Variants in TLN2 observed in about 807,000 individuals in gnomAD.
The protein encoded by TLN2 is talin-2.
In TLN2, 118 loss-of-function variants were observed where a neutral mutation model predicts 294.7. The observed-to-expected ratio is 0.40, with a 90% confidence interval of 0.34 to 0.47. The LOEUF (loss-of-function observed/expected upper bound fraction) is 0.47. TLN2 is among the 20% of genes least tolerant of loss of function. The pLI is 0.84. For missense variants in TLN2, 3,083 were observed against 3,282.2 expected (o/e 0.94, Z 1.48); for synonymous variants, 1,431 against 1,304.5 (o/e 1.10, Z -2.09).
chr15:62,461,641 A>C (rs2036811738), intron 1 of TLN2, among the ~76,000 whole-genome samples: 1 of 152,230 alleles, frequency 6.6e-6, no homozygotes, highest in Non-Finnish European at 1.5e-5. Context: ...TGAGAGCAGA[A>C]ATAAGACAAG....
At chr15:62,664,765 C>T (rs144010465) in intron 9 of TLN2, among the ~76,000 whole-genome samples, 2,374 of 141,174 alleles carry the variant, frequency 0.017, 22 homozygotes, top group Middle Eastern at 0.032. Flanking sequence ...GGCTGAGGCA[C>T]GAGAATCACT....
At chr15:62,595,281 G>A (rs1027486716) in intron 2 of TLN2, among the ~76,000 whole-genome samples, 22 of 152,014 alleles carry the variant, frequency 1.4e-4, no homozygotes, top group African/African-American at 4.8e-4. Context: ...TTAACCAGAC[G>A]TGGTGGTGGG....
intron 1 of TLN2, among the ~76,000 whole-genome samples, chr15:62,467,898 A>G (rs1399866606): frequency 1.3e-5 from 2 of 152,112 alleles, no homozygotes; most frequent in Admixed American, 1.3e-4. Flanking sequence ...CAGATCTCCA[A>G]AGTTCCTTCT....
At chr15:62,554,980 A>C (rs1056715263) in intron 1 of TLN2, among the ~76,000 whole-genome samples, 2 of 117,356 alleles carry the variant, frequency 1.7e-5, no homozygotes, top group Non-Finnish European at 3.4e-5. Flanking sequence ...AAGTTTATAA[A>C]TTCTATTTAG....
chr15:62,585,003 T>G (rs1419523150), intron 1 of TLN2, among the ~76,000 whole-genome samples: 1 of 152,206 alleles, frequency 6.6e-6, no homozygotes, highest in Admixed American at 6.5e-5. Context: ...ATTCTGATTT[T>G]TACACACATG....
intron 1 of TLN2, among the ~76,000 whole-genome samples, chr15:62,464,847 A>G (rs2037023594): frequency 6.6e-6 from 1 of 152,128 alleles, no homozygotes; most frequent in Non-Finnish European, 1.5e-5. Flanking sequence ...CATTTTTGCC[A>G]TTCCTTCTGA....
At chr15:62,429,381 G>A (rs1457719009) in intron 1 of TLN2, among the ~76,000 whole-genome samples, 1 of 152,088 alleles carries the variant, frequency 6.6e-6, no homozygotes, top group Non-Finnish European at 1.5e-5. Flanking sequence ...AAGACTTATC[G>A]TTTATGAAAA....
intron 2 of TLN2, among the ~76,000 whole-genome samples, chr15:62,600,993 A>G (rs189250231): frequency 2.0e-5 from 3 of 152,322 alleles, no homozygotes; most frequent in Non-Finnish European, 4.4e-5. Context: ...TCAGGATCCA[A>G]ATGAGACTTA....
chr15:62,738,366 G>C, intron 30 of TLN2, 33 bp downstream of exon 30: 1 of 1,612,204 alleles, frequency 6.2e-7, no homozygotes, highest in Non-Finnish European at 8.5e-7. Context: ...AAGGACACTG[G>C]GGGACTAGGC....
At chr15:62,490,306 A>T (rs534420349) in intron 1 of TLN2, among the ~76,000 whole-genome samples, 4 of 152,294 alleles carry the variant, frequency 2.6e-5, no homozygotes, top group East Asian at 1.9e-4. Flanking sequence ...TGAATTTTTT[A>T]AAAATTATTT....
At chr15:62,419,461 A>G (rs972991769) in intron 1 of TLN2, among the ~76,000 whole-genome samples, 1 of 152,174 alleles carries the variant, frequency 6.6e-6, no homozygotes, top group Admixed American at 6.5e-5. Context: ...TGATCTGCCT[A>G]CATTATGTAT....
chr15:62,582,081 T>C (rs991235292), intron 1 of TLN2, among the ~76,000 whole-genome samples: 2 of 148,908 alleles, frequency 1.3e-5, no homozygotes, highest in Non-Finnish European at 3.0e-5. Context: ...ATGTGAATGG[T>C]GGACTAATCA....
intron 12 of TLN2, among the ~76,000 whole-genome samples, chr15:62,691,142 A>C (rs1288400152): frequency 6.6e-6 from 1 of 152,014 alleles, no homozygotes; most frequent in East Asian, 1.9e-4. Context: ...TTAAGTCTTC[A>C]CTAATTTGGG....
chr15:62,747,720 G>C (rs2061693117), intron 32 of TLN2, among the ~76,000 whole-genome samples: 1 of 152,318 alleles, frequency 6.6e-6, no homozygotes, highest in South Asian at 2.1e-4. Flanking sequence ...TTCATGTATA[G>C]CTTTTGCTTC....
intron 1 of TLN2, among the ~76,000 whole-genome samples, chr15:62,403,683 T>A (rs2033188842): frequency 6.6e-6 from 1 of 152,154 alleles, no homozygotes; most frequent in Admixed American, 6.5e-5. Flanking sequence ...CATGTCACAA[T>A]CTGGTTCTCC....
chr15:62,531,762 G>T (rs575116580), intron 1 of TLN2, among the ~76,000 whole-genome samples: 1 of 152,174 alleles, frequency 6.6e-6, no homozygotes, highest in Non-Finnish European at 1.5e-5. Context: ...TGTATTATAC[G>T]TGGGCCTTCC....
At chr15:62,696,428 T>G (rs2141081064) in intron 14 of TLN2, among the ~76,000 whole-genome samples, 1 of 152,374 alleles carries the variant, frequency 6.6e-6, no homozygotes, top group Admixed American at 6.5e-5. Flanking sequence ...ATTTTTTGGC[T>G]GGGCACTGTG....
chr15:62,443,093 C>A (rs146372965), intron 1 of TLN2, among the ~76,000 whole-genome samples: 14 of 152,300 alleles, frequency 9.2e-5, no homozygotes, highest in African/African-American at 3.1e-4. Flanking sequence ...AGACTAATCT[C>A]CCCATCTCAA....
chr15:62,600,136 A>G, intron 2 of TLN2, among the ~76,000 whole-genome samples: 1 of 152,090 alleles, frequency 6.6e-6, no homozygotes, highest in Non-Finnish European at 1.5e-5. Flanking sequence ...AAAAGACTGA[A>G]AACAACAGTG....
Sources: gnomAD v4.1 joint callset for allele counts (sites outside exome capture counted in the v4.1 genomes callset) on GRCh38, gnomAD v4.1.1 for gene constraint, MANE v1.5 for transcripts, NCBI Gene and HGNC (gene_info 2026-07-23, HGNC 2026-07-21) for gene names.